Variants in UXS1 observed in about 807,000 individuals in gnomAD.
The protein encoded by UXS1 is UDP-glucuronate decarboxylase 1, also known as UDP-glucuronic acid decarboxylase 1.
Under a neutral mutation model 62.6 loss-of-function variants are expected in UXS1, and 33 were observed. That is an observed-to-expected ratio of 0.53 (90% CI 0.40 to 0.70). The LOEUF (loss-of-function observed/expected upper bound fraction) is 0.70, where lower values mean the gene tolerates loss of function less well. Among genes scored for constraint, UXS1 ranks in the 30% least tolerant of loss-of-function variants. The probability of loss-of-function intolerance (pLI) is 0.00; values close to 1 mark genes in which losing one functional copy is unlikely to be tolerated. For missense variants in UXS1, 434 were observed against 556.3 expected (o/e 0.78, Z 2.21); for synonymous variants, 213 against 206.8 (o/e 1.03, Z -0.26).
intron 1 of UXS1, among the ~76,000 whole-genome samples, chr2:106,169,459 G>A (rs189240159): frequency 1.3e-3 from 192 of 152,282 alleles, no homozygotes; most frequent in African/African-American, 4.3e-3. Flanking sequence ...TACTTTGGGA[G>A]GCCAAGGTAG....
At chr2:106,140,221 C>A (rs888325933) in intron 6 of UXS1, among the ~76,000 whole-genome samples, 1 of 152,192 alleles carries the variant, frequency 6.6e-6, no homozygotes, top group Non-Finnish European at 1.5e-5. Context: ...GTGCTGTCGA[C>A]TGTTCTGAGC....
chr2:106,114,258 G>A (rs887335161), intron 9 of UXS1, among the ~76,000 whole-genome samples: 24 of 152,188 alleles, frequency 1.6e-4, no homozygotes, highest in Non-Finnish European at 3.4e-4. Context: ...TTAGAAGCCA[G>A]AGTGCTTTAT....
intron 5 of UXS1, among the ~76,000 whole-genome samples, chr2:106,150,695 AGGGTG>A (rs536608160): frequency 1.1e-3 from 167 of 152,360 alleles, no homozygotes; most frequent in African/African-American, 3.1e-3. Context: ...AGCCCGGGAC[AGGGTG>A]GGAGGTGGCG....
intron 5 of UXS1, among the ~76,000 whole-genome samples, chr2:106,152,933 GC>G (rs1682150739): frequency 1.3e-5 from 2 of 152,134 alleles, no homozygotes; most frequent in South Asian, 4.1e-4. Flanking sequence ...TCCCACCCCA[GC>G]ACCAGGGCAG....
chr2:106,171,048 T>C (rs1233087931), intron 1 of UXS1, among the ~76,000 whole-genome samples: 2 of 152,222 alleles, frequency 1.3e-5, no homozygotes, highest in African/African-American at 4.8e-5. Context: ...TGAATGCTCT[T>C]ACACAGCTTT....
At chr2:106,107,781 A>G (rs1052745192) in intron 10 of UXS1, among the ~76,000 whole-genome samples, 27 of 152,314 alleles carry the variant, frequency 1.8e-4, no homozygotes, top group African/African-American at 6.5e-4. Context: ...CGCCAGGGGC[A>G]GCTCCCCACC....
chr2:106,109,314 A>G (rs983714305), intron 10 of UXS1, among the ~76,000 whole-genome samples: 4 of 152,232 alleles, frequency 2.6e-5, no homozygotes, highest in Non-Finnish European at 4.4e-5. Flanking sequence ...CGAAGGCCCA[A>G]TGTAAGAATC....
intron 10 of UXS1, among the ~76,000 whole-genome samples, chr2:106,111,917 C>T (rs116652883): frequency 3.8e-4 from 58 of 152,152 alleles, no homozygotes; most frequent in African/African-American, 1.3e-3. Context: ...CAGACAACCA[C>T]GAAGAGGAGT....
chr2:106,129,871 T>C (rs926487116), intron 6 of UXS1, 93 bp from the exon 7 acceptor site: 12 of 677,858 alleles, frequency 1.8e-5, no homozygotes, highest in Admixed American at 3.5e-5. Context: ...AACGTATTAG[T>C]ATATCTTTCA....
At chr2:106,127,696 A>C (rs1217133247) in intron 7 of UXS1, among the ~76,000 whole-genome samples, 1 of 152,216 alleles carries the variant, frequency 6.6e-6, no homozygotes, top group East Asian at 1.9e-4. Flanking sequence ...TCTTGTCTCA[A>C]GTGCAAGATG....
Position 106,194,158 on chromosome 2 carries a change from G to A in UXS1, c.84C>T (p.Ala28=), listed in dbSNP as rs1259537721. The part of the protein sequence containing the change: ...MKLLLGIALL[A]YVASVWGNFV... ...CGGGCGCGCACTCACAGGCGACGTAGGCCAGCAAGGCGATGCCCAGCAGCA... is the reference window on the plus strand; with the variant it reads ...CGGGCGCGCACTCACAGGCGACGTAAGCCAGCAAGGCGATGCCCAGCAGCA... Residue 28 remains alanine (A), a synonymous_variant, in exon 1 of 15, where the codon GCC becomes GCT. Coordinates refer to ENST00000283148, the MANE Select transcript of UXS1 (RefSeq NM_001253875.2). The A allele has an allele frequency of 2.7e-6, 4 of 1,484,392 alleles. No homozygotes were observed. The highest frequency in any genetic ancestry group is 1.8e-6 in the Non-Finnish European group (2 of 1,116,128). 92.0% of individuals were successfully genotyped at this position (1,484,392 alleles called of 1,614,324 possible). A position where few individuals can be genotyped will look rare whatever the true frequency, so the allele number is the denominator to read the frequency against.
At chr2:106,125,597 T>G (rs1679871546) in intron 8 of UXS1, 23 bp downstream of exon 8, 2 of 1,551,360 alleles carry the variant, frequency 1.3e-6, no homozygotes, top group Non-Finnish European at 1.7e-6. Flanking sequence ...AGTGAACATC[T>G]CCTGAGAGAG....
intron 9 of UXS1, among the ~76,000 whole-genome samples, chr2:106,114,627 C>T (rs1573432380): frequency 1.3e-5 from 2 of 152,346 alleles, no homozygotes. Flanking sequence ...ATCTTCTTGA[C>T]GTTCCCTTTC....
intron 1 of UXS1, among the ~76,000 whole-genome samples, chr2:106,173,244 G>A (rs943745372): frequency 6.6e-6 from 1 of 152,170 alleles, no homozygotes; most frequent in Admixed American, 6.6e-5. Flanking sequence ...AAATGACTGG[G>A]AATTGCTACT....
chr2:106,094,491 T>C (rs532576884), intron 14 of UXS1, among the ~76,000 whole-genome samples: 6 of 152,356 alleles, frequency 3.9e-5, no homozygotes, highest in East Asian at 1.9e-4. Flanking sequence ...GCTGGCAAGA[T>C]TGTTTTTCAG....
In UXS1 at chr2:106,104,853, CAGTT is replaced by C. The variant is rs1558678601; in HGVS notation, c.880-20_880-17del. On this transcript the variant is annotated splice_polypyrimidine_tract_variant and intron_variant, in intron 10 of 14. Coordinates refer to ENST00000283148, the MANE Select transcript of UXS1 (RefSeq NM_001253875.2). Reference sequence around the variant, plus strand: ...ATCCGTATACCTGGAAGGAAACCAACAGTTAGGCCTCCTGATAAAACCACACCCG... The same window carrying C: ...ATCCGTATACCTGGAAGGAAACCAACAGGCCTCCTGATAAAACCACACCCG... The C allele has an allele frequency of 6.2e-7, 1 of 1,613,974 alleles. No homozygotes were observed. Among genetic ancestry groups the C allele is most frequent in the Non-Finnish European group, 8.5e-7 (1 of 1,179,884 alleles).
intron 1 of UXS1, among the ~76,000 whole-genome samples, chr2:106,173,475 G>A (rs1237366242): frequency 1.3e-5 from 2 of 152,108 alleles, no homozygotes; most frequent in Admixed American, 1.3e-4. Flanking sequence ...AATCGCTTGA[G>A]CCCAGGAGGT....
At chr2:106,100,832 G>A in intron 12 of UXS1, 1 of 575,468 alleles carries the variant, frequency 1.7e-6, no homozygotes, top group Non-Finnish European at 3.1e-6. Context: ...CCTTCAGAAG[G>A]TGGAGGGACT....
chr2:106,169,957 G>A (rs1558747370), intron 1 of UXS1, among the ~76,000 whole-genome samples: 1 of 152,138 alleles, frequency 6.6e-6, no homozygotes, highest in Admixed American at 6.5e-5. Context: ...GATAAGAATG[G>A]ATGTAAGCAG....
Sources: gnomAD v4.1 joint callset for allele counts (sites outside exome capture counted in the v4.1 genomes callset) on GRCh38, gnomAD v4.1.1 for gene constraint, MANE v1.5 for transcripts, NCBI Gene and HGNC (gene_info 2026-07-23, HGNC 2026-07-21) for gene names.